KCNQ1: variants seen among roughly 807,000 people sequenced by gnomAD.
KCNQ1 encodes potassium voltage-gated channel subfamily KQT member 1.
In KCNQ1, 49 loss-of-function variants were observed where a neutral mutation model predicts 72.4. The observed-to-expected ratio is 0.68, with a 90% confidence interval of 0.54 to 0.86. The LOEUF is 0.86. Ranked by LOEUF, KCNQ1 falls within the 40% of genes least tolerant of loss-of-function variation. The pLI is 0.00. For synonymous variants in KCNQ1, 450 were observed against 412.6 expected (o/e 1.09, Z -1.10); for missense variants, 790 against 945.1 (o/e 0.84, Z 2.15).
chr11:2,554,667 G>T (rs552729699), intron 2 of KCNQ1, among the ~76,000 whole-genome samples: 157 of 152,310 alleles, frequency 1.0e-3, no homozygotes, highest in African/African-American at 3.6e-3. Context: ...TTCCAGCTTT[G>T]CTCCCCAGGG....
rs1379951897 is a variant in KCNQ1 at position 2,752,675 on chromosome 11, G to A, written c.1515-16169G>A. Among the ~76,000 whole-genome samples the A allele has an allele frequency of 6.6e-6, 1 of 152,092 alleles. No individual in the cohort carries two copies. The highest frequency in any genetic ancestry group is 1.5e-5 in the Non-Finnish European group (1 of 68,026). ...TTCCAAGGGCACGCATCCTCTTCCTGAAGGCTCTGCCCTCACGGCCGAATC... is the reference window on the plus strand; with the variant it reads ...TTCCAAGGGCACGCATCCTCTTCCTAAAGGCTCTGCCCTCACGGCCGAATC... On this transcript the variant is annotated intron_variant, in intron 11 of 15. Transcript: ENST00000155840. The surrounding 1 kb of genome is among the most constrained non-coding windows in gnomAD (Gnocchi z 5.2).
chr11:2,803,165 C>CCCA lies in KCNQ1; in HGVS notation c.1794+25128_1794+25129insCCA, dbSNP rs796384385. 0.018 allele frequency among the ~76,000 whole-genome samples: 2,738 copies of CCCA among 151,964 alleles called. 61 individuals are homozygous for CCCA. The highest frequency in any genetic ancestry group is 0.059 in the African/African-American group (2,444 of 41,254). On this transcript the variant is annotated intron_variant, in intron 15 of 15. Coordinates refer to ENST00000155840, the MANE Select transcript of KCNQ1 (RefSeq NM_000218.3). The surrounding 1 kb of genome is among the most constrained non-coding windows in gnomAD (Gnocchi z 6.4). ...GAAAACCCAGCCGGGCCCCCCCCCC[C>CCCA]ACGGGCACCCAGGAACCGCCCTGGC...
In KCNQ1 at chr11:2,848,040, G is replaced by A; in HGVS notation, c.*37G>A. On this transcript the variant is annotated 3_prime_UTR_variant, in exon 16 of 16. Coordinates refer to ENST00000155840, the MANE Select transcript of KCNQ1 (RefSeq NM_000218.3). ...GGCTGGGGGATGGGCCTGAGTGAGA[G>A]GGGAGGCCAAGAGTGGCCCCACCTG... 3 of 1,510,276 alleles carry A rather than the reference G, an allele frequency of 2.0e-6. No homozygotes were observed. Among genetic ancestry groups the A allele is most frequent in the East Asian group, 2.4e-5 (1 of 40,998 alleles). 93.6% of individuals were successfully genotyped at this position (1,510,276 alleles called of 1,614,324 possible).
intron 6 of KCNQ1, among the ~76,000 whole-genome samples, chr11:2,581,509 C>T (rs1019165511): frequency 6.6e-6 from 1 of 152,236 alleles, no homozygotes; most frequent in Non-Finnish European, 1.5e-5. Flanking sequence ...CCAGGGCCCC[C>T]CTCTCTGCCA....
At chr11:2,465,173 T>G (rs966715940) in intron 1 of KCNQ1, among the ~76,000 whole-genome samples, 2 of 152,196 alleles carry the variant, frequency 1.3e-5, no homozygotes, top group African/African-American at 4.8e-5. Context: ...TTTTTATTTT[T>G]TTTTGAAGCA....
intron 10 of KCNQ1, chr11:2,655,838 T>G (rs1369905461): frequency 2.5e-6 from 1 of 398,356 alleles, no homozygotes; most frequent in Non-Finnish European, 4.4e-6. Flanking sequence ...GACAATAACC[T>G]CTCCTCTTGA....
chr11:2,749,656 A>AG (rs1846194658), intron 11 of KCNQ1, among the ~76,000 whole-genome samples: 1 of 134,806 alleles, frequency 7.4e-6, no homozygotes, highest in East Asian at 2.4e-4. Context: ...AAAAAAAAAA[A>AG]AAAAAAATTG....
chr11:2,557,873 G>T (rs1313512042), intron 2 of KCNQ1, among the ~76,000 whole-genome samples: 1 of 152,186 alleles, frequency 6.6e-6, no homozygotes, highest in Middle Eastern at 3.2e-3. Flanking sequence ...CCCTAGTAAT[G>T]GAGTTGTTTT....
rs12803012 is a variant in KCNQ1, at chr11:2,562,522, C to T, written c.478-8106C>T. ...GGGGACCACTGCCCCCACAGGGAAG[C>T]GCCTGGCTCAGCACAGGCCCAGCCC... On this transcript the variant is annotated intron_variant, in intron 2 of 15. Transcript: ENST00000155840. The surrounding 1 kb of genome is among the most constrained non-coding windows in gnomAD (Gnocchi z 7.5). Among the ~76,000 whole-genome samples the T allele has an allele frequency of 0.096, 14,537 of 152,172 alleles. 796 individuals carry two copies. The highest frequency in any genetic ancestry group is 0.15 in the Admixed American group (2,295 of 15,302).
rs1419475745 is a variant in KCNQ1 at position 2,451,890 on chromosome 11, G to A, written c.386+6406G>A. ...CCAGAAGCCCTTAGGATGCCCAGAA[G>A]CCCTTAGGATGCTGTGGTCTCAAGT... On this transcript the variant is annotated intron_variant, in intron 1 of 15. Coordinates refer to ENST00000155840, the MANE Select transcript of KCNQ1 (RefSeq NM_000218.3). This position sits in a 1 kb window ranked among gnomAD's most constrained non-coding sequence, Gnocchi z 6.4. 1.3e-5 allele frequency among the ~76,000 whole-genome samples: 2 copies of A among 152,178 alleles called. No homozygotes were observed. The highest frequency in any genetic ancestry group is 4.8e-5 in the African/African-American group (2 of 41,452).
intron 1 of KCNQ1, among the ~76,000 whole-genome samples, chr11:2,525,652 G>T (rs753806876): frequency 3.3e-5 from 5 of 152,250 alleles, no homozygotes; most frequent in Non-Finnish European, 5.9e-5. Flanking sequence ...GGGGGACTGA[G>T]GCCCAAGGAG....
intron 2 of KCNQ1, among the ~76,000 whole-genome samples, chr11:2,569,112 C>T (rs145657215): frequency 0.01 from 1,523 of 152,260 alleles, 22 homozygotes; most frequent in African/African-American, 0.035. Flanking sequence ...TCTTGAACTC[C>T]TGAACTCGTG....
At chr11:2,656,761 GCTT>G (rs1849857193) in intron 10 of KCNQ1, 2 of 398,324 alleles carry the variant, frequency 5.0e-6, no homozygotes, top group Non-Finnish European at 8.8e-6. Context: ...CATGGTTATT[GCTT>G]CTTTTAAAAA....
At chr11:2,556,887 AAAC>A (rs1443599311) in intron 2 of KCNQ1, among the ~76,000 whole-genome samples, 4 of 152,224 alleles carry the variant, frequency 2.6e-5, no homozygotes, top group Non-Finnish European at 5.9e-5. Flanking sequence ...TGGCTCAACT[AAAC>A]AACCAAAAGC....
At chr11:2,474,179 C>G (rs899546009) in intron 1 of KCNQ1, among the ~76,000 whole-genome samples, 3 of 152,140 alleles carry the variant, frequency 2.0e-5, no homozygotes, top group Non-Finnish European at 4.4e-5. Context: ...TGTCCAGGGT[C>G]CGTCAAGAAG....
At position 2,601,085 on chromosome 11, in the gene KCNQ1, T is replaced by TAAAA. The variant is rs774725539; in HGVS notation, c.1393+12243_1393+12246dup. 6.0e-3 allele frequency among the ~76,000 whole-genome samples: 831 copies of TAAAA among 139,088 alleles called. 6 individuals carry two copies. The highest frequency in any genetic ancestry group is 0.044 in the Middle Eastern group (12 of 274). The allele number at this position is 139,088 out of a possible 152,430, so 91.2% of individuals were successfully genotyped here. ...GCCATGCATATACCCTGCTACTTGT[T>TAAAA]AAAAAAAAAAAAAAAGTCTCTCCAG... On this transcript the variant is annotated intron_variant, in intron 10 of 15. Transcript: ENST00000155840. The surrounding 1 kb of genome is among the most constrained non-coding windows in gnomAD (Gnocchi z 5.2).
intron 11 of KCNQ1, among the ~76,000 whole-genome samples, chr11:2,714,468 C>T (rs543475638): frequency 2.5e-4 from 38 of 152,350 alleles, no homozygotes; most frequent in Non-Finnish European, 4.9e-4. Context: ...ACTGTCTTCT[C>T]TCTGCTTCCC....
chr11:2,496,040 T>C (rs1482533552), intron 1 of KCNQ1, among the ~76,000 whole-genome samples: 1 of 152,172 alleles, frequency 6.6e-6, no homozygotes, highest in Non-Finnish European at 1.5e-5. Flanking sequence ...GTGCATTTAT[T>C]TAGGATAGTT....
intron 6 of KCNQ1, among the ~76,000 whole-genome samples, chr11:2,578,289 C>G (rs1164089711): frequency 6.6e-6 from 1 of 152,228 alleles, no homozygotes; most frequent in Admixed American, 6.5e-5. Flanking sequence ...AACTGCCCCC[C>G]ACACTCAGAG....
Sources: gnomAD v4.1 joint callset for allele counts (sites outside exome capture counted in the v4.1 genomes callset) on GRCh38, gnomAD v4.1.1 for gene constraint, Gnocchi (gnomAD v3.1) non-coding constraint, MANE v1.5 for transcripts, NCBI Gene and HGNC (gene_info 2026-07-23, HGNC 2026-07-21) for gene names.